Variants in MSRA observed in about 807,000 individuals in gnomAD.
The protein encoded by MSRA is methionine sulfoxide reductase A.
A neutral mutation model predicts 31.3 loss-of-function variants in MSRA; 54 were observed. The observed-to-expected ratio is 1.73, with a 90% CI of 1.39 to 2.17. The LOEUF (loss-of-function observed/expected upper bound fraction) is 2.17, where lower values mean the gene tolerates loss of function less well. MSRA is among the 30% of genes most tolerant of loss of function. The probability of loss-of-function intolerance (pLI) is 0.00; values close to 1 mark genes in which losing one functional copy is unlikely to be tolerated. For synonymous variants in MSRA, 169 were observed against 116.5 expected (o/e 1.45, Z -2.90); for missense variants, 507 against 300.9 (o/e 1.69, Z -5.07).
rs137973130 is a variant in MSRA, at chr8:10,233,217, A to G, written c.212-11887A>G. Among the ~76,000 whole-genome samples, 1,265 of 152,358 alleles carry G rather than the reference A, an allele frequency of 8.3e-3. 23 individuals carry two copies. Among genetic ancestry groups the G allele is most frequent in the African/African-American group, 0.029 (1,210 of 41,576 alleles). ...CCACTGCTGCAGCAGGGAACCCTGG[A>G]AACTCTAATCACCTTCGTGTAGGTA... On this transcript the variant is annotated intron_variant, in intron 2 of 5. Coordinates refer to ENST00000317173, the MANE Select transcript of MSRA (RefSeq NM_012331.5).
chr8:10,408,408 G>T (rs1330586972), intron 5 of MSRA, among the ~76,000 whole-genome samples: 1 of 152,052 alleles, frequency 6.6e-6, no homozygotes, highest in Non-Finnish European at 1.5e-5. Context: ...CAGGCATGGT[G>T]GCACATACCT....
chr8:10,257,697 A>C (rs1195467176), intron 3 of MSRA, among the ~76,000 whole-genome samples: 3 of 152,194 alleles, frequency 2.0e-5, no homozygotes, highest in Non-Finnish European at 4.4e-5. Context: ...ATTTGACTAT[A>C]GATGTTAAAT....
At chr8:10,387,119 G>T (rs1187946269) in intron 5 of MSRA, among the ~76,000 whole-genome samples, 2 of 152,156 alleles carry the variant, frequency 1.3e-5, no homozygotes, top group Non-Finnish European at 2.9e-5. Flanking sequence ...TGCCTGCACG[G>T]CTCGACCACA....
chr8:10,244,703 T>C lies in MSRA; in HGVS notation c.212-401T>C, dbSNP rs567122842. On this transcript the variant is annotated intron_variant, in intron 2 of 5. Transcript: ENST00000317173. ...AAATGGGTAACTTAGTGCTATACTTTGGTAAAATATTTTTTTAAAAATATG... is the reference window on the plus strand; with the variant it reads ...AAATGGGTAACTTAGTGCTATACTTCGGTAAAATATTTTTTTAAAAATATG... Among the ~76,000 whole-genome samples, 286 of 152,336 alleles carry C rather than the reference T, an allele frequency of 1.9e-3. 1 individual carries two copies. The highest frequency in any genetic ancestry group is 6.6e-3 in the African/African-American group (274 of 41,572).
At chr8:10,098,029 T>C (rs948328806) in intron 1 of MSRA, among the ~76,000 whole-genome samples, 2 of 152,050 alleles carry the variant, frequency 1.3e-5, no homozygotes, top group African/African-American at 4.8e-5. Context: ...TTGTGCAAGC[T>C]TTTTTTAAAA....
At chr8:10,374,413 G>T (rs1051346277) in intron 5 of MSRA, among the ~76,000 whole-genome samples, 2 of 152,118 alleles carry the variant, frequency 1.3e-5, no homozygotes, top group African/African-American at 4.8e-5. Context: ...AGCACATCCT[G>T]CAGGCTAGAT....
intron 1 of MSRA, among the ~76,000 whole-genome samples, chr8:10,068,901 A>C (rs1797594930): frequency 6.6e-6 from 1 of 152,184 alleles, no homozygotes; most frequent in Non-Finnish European, 1.5e-5. Flanking sequence ...AAAATATTGA[A>C]TCTACCTATT....
intron 4 of MSRA, among the ~76,000 whole-genome samples, chr8:10,311,152 A>G (rs942278410): frequency 6.6e-6 from 1 of 152,210 alleles, no homozygotes; most frequent in African/African-American, 2.4e-5. Flanking sequence ...TAGGATTTCT[A>G]GGTTCCAGGA....
chr8:10,283,064 C>A (rs1368236443), intron 3 of MSRA, among the ~76,000 whole-genome samples: 1 of 151,926 alleles, frequency 6.6e-6, no homozygotes, highest in Non-Finnish European at 1.5e-5. Flanking sequence ...GTCCAAAAGA[C>A]TTTCCTAAAA....
At position 10,408,317 on chromosome 8, in the gene MSRA, A is replaced by G. The variant is rs192126673; in HGVS notation, c.544-19831A>G. On this transcript the variant is annotated intron_variant, in intron 5 of 5. Transcript: ENST00000317173. ...TTCGGGAGGCTGAGACGGGCAGATC[A>G]CTTCGGCCCAGGAGTTTAAGACCAC... Among the ~76,000 whole-genome samples the G allele has an allele frequency of 3.3e-5, 5 of 152,330 alleles. No individual in the cohort carries two copies. In the East Asian group the frequency reaches 5.8e-4, roughly 18 times the overall value.
chr8:10,352,887 G>C lies in MSRA; in HGVS notation c.543+32898G>C, dbSNP rs117614524. Among the ~76,000 whole-genome samples the C allele has an allele frequency of 3.6e-3, 547 of 152,256 alleles. 6 individuals are homozygous for C. The highest frequency in any genetic ancestry group is 0.032 in the South Asian group (154 of 4,816). On this transcript the variant is annotated intron_variant, in intron 5 of 5. Transcript: ENST00000317173. The stretch of plus-strand genomic sequence containing the variant: ...ATTTTTCTTTTAAAAAATCGGCTCT[G>C]TCTTGCAACATATCAGAGCATCCCG...
At chr8:10,092,040 T>G (rs1333830295) in intron 1 of MSRA, among the ~76,000 whole-genome samples, 1 of 152,134 alleles carries the variant, frequency 6.6e-6, no homozygotes. Flanking sequence ...TTTGTTGATC[T>G]TTTTCATAAT....
chr8:10,348,639 A>C (rs1803940222), intron 5 of MSRA, among the ~76,000 whole-genome samples: 2 of 152,076 alleles, frequency 1.3e-5, no homozygotes, highest in African/African-American at 4.8e-5. Context: ...AAGTGCTGGG[A>C]TTACAGGTGT....
At chr8:10,384,578 C>G (rs928064842) in intron 5 of MSRA, among the ~76,000 whole-genome samples, 1 of 152,232 alleles carries the variant, frequency 6.6e-6, no homozygotes, top group South Asian at 2.1e-4. Flanking sequence ...TGACACTGAG[C>G]TGGTCTCAAC....
In MSRA at chr8:10,230,596, G is replaced by T. The variant is rs186895824; in HGVS notation, c.212-14508G>T. On this transcript the variant is annotated intron_variant, in intron 2 of 5. Coordinates refer to ENST00000317173, the MANE Select transcript of MSRA (RefSeq NM_012331.5). ...CAATATTTTATTGTATTTTCTTCCA[G>T]ACTATCTGTCAGTCTGTATAAACAT... 5.5e-4 allele frequency among the ~76,000 whole-genome samples: 84 copies of T among 152,280 alleles called. 2 individuals carry two copies. The East Asian group carries it at 0.016, about 29-fold the overall frequency.
chr8:10,245,258 A>G, intron 3 of MSRA, 35 bp downstream of exon 3: 8 of 1,601,302 alleles, frequency 5.0e-6, no homozygotes, highest in Non-Finnish European at 6.8e-6. Context: ...TTACTAGGAG[A>G]AACAAGGGAG....
chr8:10,317,344 CA>C (rs971901052), intron 4 of MSRA, among the ~76,000 whole-genome samples: 33 of 152,160 alleles, frequency 2.2e-4, no homozygotes, highest in African/African-American at 7.5e-4. Flanking sequence ...AGTTGGTACC[CA>C]AAGATGAGCT....
intron 1 of MSRA, among the ~76,000 whole-genome samples, chr8:10,078,756 T>C (rs1451360550): frequency 6.6e-6 from 1 of 152,246 alleles, no homozygotes; most frequent in Non-Finnish European, 1.5e-5. Context: ...AGCGTTTCCT[T>C]GGATTCTTTG....
At chr8:10,309,900 C>G (rs1390639698) in intron 4 of MSRA, among the ~76,000 whole-genome samples, 1 of 152,190 alleles carries the variant, frequency 6.6e-6, no homozygotes, top group African/African-American at 2.4e-5. Flanking sequence ...AGGTTGGCTC[C>G]CGAGCCTCTT....
Sources: allele counts gnomAD v4.1 joint callset (sites outside exome capture counted in the v4.1 genomes callset), GRCh38; gene constraint gnomAD v4.1.1; transcripts MANE v1.5; gene names NCBI Gene and HGNC (gene_info 2026-07-23, HGNC 2026-07-21).